Variants in PLK1 observed in about 807,000 individuals in gnomAD.
The protein encoded by PLK1 is serine/threonine-protein kinase PLK1.
A neutral mutation model predicts 56.7 loss-of-function variants in PLK1; 6 were observed. The observed-to-expected ratio is 0.11, with a 90% CI of 0.06 to 0.21. PLK1 has a LOEUF of 0.21. PLK1 is among the 10% of genes least tolerant of loss of function. The probability of loss-of-function intolerance (pLI) is 1.00; values close to 1 mark genes in which losing one functional copy is unlikely to be tolerated. For missense variants in PLK1, 546 were observed against 814.4 expected (o/e 0.67, Z 4.01); for synonymous variants, 298 against 325.0 (o/e 0.92, Z 0.89).
rs770312220 is a variant in PLK1 at position 23,679,211 on chromosome 16, C to G, written c.279C>G (p.His93Gln). 1 of 1,614,140 alleles carries G rather than the reference C, an allele frequency of 6.2e-7. No homozygotes were observed. Among genetic ancestry groups the G allele is most frequent in the Non-Finnish European group, 8.5e-7 (1 of 1,180,018 alleles). ...IVPKSLLLKPHQREKMSMEIS... is the reference protein window; with the variant it reads ...IVPKSLLLKPQQREKMSMEIS... ...CTAAGTCTCTGCTGCTCAAGCCGCACCAGAGGGAGAAGATGTCCATGGAAA... is the reference window on the plus strand; with the variant it reads ...CTAAGTCTCTGCTGCTCAAGCCGCAGCAGAGGGAGAAGATGTCCATGGAAA... The change falls in exon 1 of 10, where the codon CAC (histidine) becomes CAG (glutamine). Residue 93 changes from histidine (H) to glutamine (Q), a missense_variant. This residue lies in a region of PLK1 where 111 missense variants were observed against 211.8 expected (regional missense o/e 0.52). Coordinates refer to ENST00000300093, the MANE Select transcript of PLK1 (RefSeq NM_005030.6).
In PLK1 at chr16:23,690,116, G is replaced by A. The variant is rs1193502911; in HGVS notation, c.*53G>A. 2 of 1,427,440 alleles carry A rather than the reference G, an allele frequency of 1.4e-6. No homozygotes were observed. Among genetic ancestry groups the A allele is most frequent in the Admixed American group, 3.4e-5 (2 of 58,854 alleles). 88.4% of individuals were successfully genotyped at this position (1,427,440 alleles called of 1,614,324 possible). A position where few individuals can be genotyped will look rare whatever the true frequency, so the allele number is the denominator to read the frequency against. ...CCTCCTCACTCCCACCTGCATCTGG[G>A]GCCCATACTGGTTGGCTCCCGCGGT... is the stretch of plus-strand genomic sequence containing the variant. On this transcript the variant is annotated 3_prime_UTR_variant, in exon 10 of 10. Coordinates refer to ENST00000300093, the MANE Select transcript of PLK1 (RefSeq NM_005030.6).
At chr16:23,679,972 C>CT in intron 1 of PLK1, 112 bp from the exon 2 acceptor site, 1 of 698,796 alleles carries the variant, frequency 1.4e-6, no homozygotes, top group Non-Finnish European at 2.4e-6. Context: ...TCTTTCATCC[C>CT]TTGGGAGTCC....
Position 23,690,239 on chromosome 16 carries a change from CG to C in PLK1, c.*179del, listed in dbSNP as rs1212714598. On this transcript the variant is annotated 3_prime_UTR_variant, in exon 10 of 10. Transcript: ENST00000300093. Reference sequence around the variant, plus strand: ...TGTATAAGTTATTTTTGTACATGTTCGGGTGTGGGTTCTACAGCCTTGTCCC... The same window carrying C: ...TGTATAAGTTATTTTTGTACATGTTCGGTGTGGGTTCTACAGCCTTGTCCC... 3.2e-6 allele frequency: 2 copies of C among 618,944 alleles called. No individual in the cohort carries two copies. Among genetic ancestry groups the C allele is most frequent in the East Asian group, 5.4e-5 (2 of 37,008 alleles). 38.3% of individuals were successfully genotyped at this position (618,944 alleles called of 1,614,324 possible).
intron 1 of PLK1, 189 bp downstream of exon 1, chr16:23,679,529 T>C: frequency 3.5e-6 from 2 of 579,356 alleles, no homozygotes; most frequent in South Asian, 4.6e-5. Context: ...TGGGAGCTGC[T>C]AGAGGAGGGG....
Position 23,682,174 on chromosome 16 carries a change from T to C in PLK1, c.816+17T>C, listed in dbSNP as rs772021029. 1 of 1,311,478 alleles carries C rather than the reference T, an allele frequency of 7.6e-7. No individual in the cohort carries two copies. The highest frequency in any genetic ancestry group is 1.1e-6 in the Non-Finnish European group (1 of 905,162). The allele number at this position is 1,311,478 out of a possible 1,614,324, so 81.2% of individuals were successfully genotyped here. Reference sequence around the variant, plus strand: ...ATTCCCAAGGTGACTAATGATGCTTTAAGTTTACATTTATTTTGTTTTCCC... The same window carrying C: ...ATTCCCAAGGTGACTAATGATGCTTCAAGTTTACATTTATTTTGTTTTCCC... On this transcript the variant is annotated intron_variant, in intron 4 of 9. Coordinates refer to ENST00000300093, the MANE Select transcript of PLK1 (RefSeq NM_005030.6).
intron 1 of PLK1, 126 bp from the exon 2 acceptor site, chr16:23,679,958 C>T (rs751100920): frequency 1.7e-5 from 11 of 643,974 alleles, no homozygotes; most frequent in Non-Finnish European, 2.4e-5. Context: ...CCCACCAAGA[C>T]CCCTCTTTCA....
In PLK1 at chr16:23,689,135, C is replaced by A; in HGVS notation, c.1271-103C>A. On this transcript the variant is annotated intron_variant, in intron 7 of 9. Coordinates refer to ENST00000300093, the MANE Select transcript of PLK1 (RefSeq NM_005030.6). This position sits in a 1 kb window ranked among gnomAD's most constrained non-coding sequence, Gnocchi z 4.8. ...CTGGGCTCAAACAATCCTCCTCCCT[C>A]AGCCTCCCAAAGTGCTGGAATCACA... The A allele has an allele frequency of 9.7e-7, 1 of 1,034,308 alleles. No homozygotes were observed. The highest frequency in any genetic ancestry group is 1.5e-6 in the Non-Finnish European group (1 of 677,430). 64.1% of individuals were successfully genotyped at this position (1,034,308 alleles called of 1,614,324 possible).
chr16:23,680,393 A>ATT, intron 2 of PLK1, 141 bp downstream of exon 2: 3 of 574,344 alleles, frequency 5.2e-6, no homozygotes, highest in South Asian at 2.6e-5. Flanking sequence ...CCAATGCAAT[A>ATT]TTTTTTTTTT....
At chr16:23,685,639 C>A (rs1262893414) in intron 5 of PLK1, among the ~76,000 whole-genome samples, 2 of 151,400 alleles carry the variant, frequency 1.3e-5, no homozygotes, top group Non-Finnish European at 2.9e-5. Flanking sequence ...ACCTGGAAGG[C>A]GGAGGTTGCA....
Position 23,690,095 on chromosome 16 carries a change from CT to C in PLK1, c.*33del. ...CCCTCCCCTCCGGACTGGTGCCCTCCTCACTCCCACCTGCATCTGGGGCCCA... is the reference window on the plus strand; with the variant it reads ...CCCTCCCCTCCGGACTGGTGCCCTCCCACTCCCACCTGCATCTGGGGCCCA... On this transcript the variant is annotated 3_prime_UTR_variant, in exon 10 of 10. Coordinates refer to ENST00000300093, the MANE Select transcript of PLK1 (RefSeq NM_005030.6). 2.0e-6 allele frequency: 3 copies of C among 1,535,148 alleles called. No homozygotes were observed. Among genetic ancestry groups the C allele is most frequent in the Non-Finnish European group, 2.7e-6 (3 of 1,119,846 alleles).
intron 4 of PLK1, 71 bp from the exon 5 acceptor site, chr16:23,683,799 T>A: frequency 8.5e-7 from 1 of 1,182,780 alleles, no homozygotes. Context: ...GACCTGCAGC[T>A]CCTTTGAGGC....
Position 23,690,075 on chromosome 16 carries a change from C to T in PLK1, c.*12C>T, listed in dbSNP as rs375371315. 76 of 1,596,912 alleles carry T rather than the reference C, an allele frequency of 4.8e-5. No homozygotes were observed. Among genetic ancestry groups the T allele is most frequent in the Middle Eastern group, 1.6e-4 (1 of 6,066 alleles). ...TCAAGGCCTCCTAATAGCTGCCCTC[C>T]CCTCCGGACTGGTGCCCTCCTCACT... On this transcript the variant is annotated 3_prime_UTR_variant, in exon 10 of 10. Coordinates refer to ENST00000300093, the MANE Select transcript of PLK1 (RefSeq NM_005030.6).
intron 5 of PLK1, among the ~76,000 whole-genome samples, chr16:23,686,193 C>T (rs568829285): frequency 1.3e-5 from 2 of 151,860 alleles, no homozygotes; most frequent in African/African-American, 4.8e-5. Context: ...CATGTGCCAC[C>T]GCGTCTGACC....
chr16:23,685,648 C>T (rs1959415487), intron 5 of PLK1, among the ~76,000 whole-genome samples: 2 of 151,146 alleles, frequency 1.3e-5, no homozygotes, highest in South Asian at 2.1e-4. Flanking sequence ...GCGGAGGTTG[C>T]AGTGAGCCGA....
Position 23,690,047 on chromosome 16 carries a change from G to T in PLK1, c.1796G>T (p.Arg599Leu). ...KLLSSRSASN[R>L]LKAS is the part of the protein sequence containing the mutation. ...CTGAGCTCACGCTCGGCCAGCAACC[G>T]TCTCAAGGCCTCCTAATAGCTGCCC... The change falls in exon 10 of 10, where the codon CGT (arginine) becomes CTT (leucine). Residue 599 changes from arginine (R) to leucine (L), a missense_variant. Around this residue, in one of 7 missense-constraint regions of PLK1, gnomAD observed 72 missense variants for 77.9 expected, o/e 0.92. Transcript: ENST00000300093. 2 of 1,610,126 alleles carry T rather than the reference G, an allele frequency of 1.2e-6. No homozygotes were observed. The highest frequency in any genetic ancestry group is 1.7e-6 in the Non-Finnish European group (2 of 1,179,740).
chr16:23,686,023 T>A (rs933326057), intron 5 of PLK1, among the ~76,000 whole-genome samples: 1 of 152,206 alleles, frequency 6.6e-6, no homozygotes, highest in African/African-American at 2.4e-5. Flanking sequence ...AAAGGATTAC[T>A]TATTTCTCTG....
In PLK1 at chr16:23,683,955, A is replaced by G. The variant is rs763601917; in HGVS notation, c.902A>G (p.Asn301Ser). ...TARPTINELL[N>S]DEFFTSGYIP... is the part of the protein sequence containing the mutation. ...CGCCCAACCATTAACGAGCTGCTTA[A>G]TGACGAGTTCTTTACTTCTGGCTAT... The change falls in exon 5 of 10, where the codon AAT becomes AGT. Residue 301 changes from asparagine to serine, a missense_variant. Physicochemically the swap from Asn to Ser is conservative, Grantham distance 46 (BLOSUM62 1). Transcript: ENST00000300093. 6.2e-6 allele frequency: 10 copies of G among 1,614,134 alleles called. No homozygotes were observed. The highest frequency in any genetic ancestry group is 8.5e-6 in the Non-Finnish European group (10 of 1,180,014).
rs960198455 is a variant in PLK1 at position 23,678,919 on chromosome 16, G to A, written c.-14G>A. 2.1e-5 allele frequency: 32 copies of A among 1,497,718 alleles called. No homozygotes were observed. The African/African-American group carries it at 4.2e-4, about 20-fold the overall frequency. The allele number at this position is 1,497,718 out of a possible 1,614,324, so 92.8% of individuals were successfully genotyped here. ...CTCTGCTCGGATCGAGGTCTGCAGC[G>A]CAGCTTCGGGAGCATGAGTGCTGCA... On this transcript the variant is annotated 5_prime_UTR_variant, in exon 1 of 10. Coordinates refer to ENST00000300093, the MANE Select transcript of PLK1 (RefSeq NM_005030.6).
chr16:23,684,706 T>C lies in PLK1; in HGVS notation c.1036+617T>C, dbSNP rs78502814. On this transcript the variant is annotated intron_variant, in intron 5 of 9. Coordinates refer to ENST00000300093, the MANE Select transcript of PLK1 (RefSeq NM_005030.6). ...TTCATTGAAAAACATAAAAATTTCC[T>C]TTTTTTTGTGGCGTGATCCCGGCTC... Among the ~76,000 whole-genome samples, 557 of 151,984 alleles carry C rather than the reference T, an allele frequency of 3.7e-3. 5 individuals are homozygous for C. Among genetic ancestry groups the C allele is most frequent in the African/African-American group, 0.013 (533 of 41,436 alleles).
Sources: allele counts gnomAD v4.1 joint callset (sites outside exome capture counted in the v4.1 genomes callset), GRCh38; gene constraint gnomAD v4.1.1; regional missense constraint gnomAD v4.1.1; non-coding constraint Gnocchi (gnomAD v3.1); transcripts MANE v1.5; gene names NCBI Gene and HGNC (gene_info 2026-07-23, HGNC 2026-07-21).